The following DMXL1 variants were observed in gnomAD, a reference collection of about 807,000 sequenced individuals.
DMXL1 encodes Dmx like 1, also known as dmX-like protein 1.
Under a neutral mutation model 319.2 loss-of-function variants are expected in DMXL1, and 99 were observed. The observed-to-expected ratio is 0.31, with a 90% CI of 0.26 to 0.37. The LOEUF is 0.37. Among genes scored for constraint, DMXL1 ranks in the 10% least tolerant of loss-of-function variants. The pLI, the probability that DMXL1 is intolerant of heterozygous loss-of-function variation, is 1.00. For missense variants in DMXL1, 3,745 were observed against 3,595.6 expected, an observed-to-expected ratio of 1.04 and a Z score of -1.06; for synonymous variants, 1,385 against 1,235.2, an observed-to-expected ratio of 1.12 and a Z score of -2.54.
chr5:119,091,533 C>T (rs571616175), intron 1 of DMXL1, among the ~76,000 whole-genome samples: 1 of 152,130 alleles, frequency 6.6e-6, no homozygotes, highest in African/African-American at 2.4e-5. Context: ...GGATGCACAC[C>T]TATGTCTTTG....
intron 1 of DMXL1, among the ~76,000 whole-genome samples, chr5:119,072,339 A>G (rs1749793195): frequency 1.3e-5 from 2 of 152,048 alleles, no homozygotes; most frequent in African/African-American, 2.4e-5. Flanking sequence ...GTATAGTGGC[A>G]TTTTTCTACC....
intron 17 of DMXL1, 131 bp from the exon 18 acceptor site, chr5:119,148,607 TA>T (rs1757141844): frequency 4.7e-6 from 4 of 852,788 alleles, no homozygotes; most frequent in Non-Finnish European, 7.2e-6. Flanking sequence ...TTAAAAAACA[TA>T]CAGCCAAGAT....
chr5:119,098,705 C>G (rs1756546903), intron 2 of DMXL1, among the ~76,000 whole-genome samples: 1 of 152,112 alleles, frequency 6.6e-6, no homozygotes, highest in Admixed American at 6.5e-5. Flanking sequence ...AAATACAGTT[C>G]CTGTAGTACC....
chr5:119,144,420 T>C (rs1472022812), intron 14 of DMXL1, 116 bp from the exon 15 acceptor site: 3 of 765,090 alleles, frequency 3.9e-6, no homozygotes, highest in Non-Finnish European at 6.5e-6. Context: ...TCTGCTGAAC[T>C]TTTGACTTCT....
At chr5:119,116,449 G>C in intron 7 of DMXL1, 113 bp downstream of exon 7, 1 of 1,153,740 alleles carries the variant, frequency 8.7e-7, no homozygotes, top group Non-Finnish European at 1.2e-6. Context: ...AGCCTATGAA[G>C]ATTAGAGTAA....
intron 29 of DMXL1, among the ~76,000 whole-genome samples, chr5:119,192,467 T>C (rs1778866620): frequency 6.6e-6 from 1 of 152,202 alleles, no homozygotes; most frequent in Non-Finnish European, 1.5e-5. Flanking sequence ...CCCACTCACA[T>C]TCAGCTTTTC....
chr5:119,120,626 G>C (rs1276877824), intron 8 of DMXL1, among the ~76,000 whole-genome samples: 1 of 152,188 alleles, frequency 6.6e-6, no homozygotes, highest in Non-Finnish European at 1.5e-5. Flanking sequence ...AGTGTATGTA[G>C]AGATATCAGT....
At chr5:119,246,844 G>A (rs1178865884) in intron 43 of DMXL1, 151 bp from the exon 44 acceptor site, 2 of 537,534 alleles carry the variant, frequency 3.7e-6, no homozygotes, top group Non-Finnish European at 6.6e-6. Flanking sequence ...TGTTGGTCAG[G>A]CTGGTCTTGA....
intron 13 of DMXL1, among the ~76,000 whole-genome samples, chr5:119,135,598 C>G (rs988392241): frequency 6.6e-6 from 1 of 152,106 alleles, no homozygotes; most frequent in Non-Finnish European, 1.5e-5. Flanking sequence ...AGGGAGGGAC[C>G]TGGTGGGAGG....
At chr5:119,204,982 G>C (rs1002419667) in intron 33 of DMXL1, among the ~76,000 whole-genome samples, 6 of 152,132 alleles carry the variant, frequency 3.9e-5, no homozygotes, top group African/African-American at 1.4e-4. Flanking sequence ...AGTGGAAACT[G>C]TATATGCTGT....
In DMXL1 at chr5:119,129,270, G is replaced by A. The variant is rs567465902; in HGVS notation, c.1162G>A (p.Gly388Arg). 66 of 1,613,420 alleles carry A rather than the reference G, an allele frequency of 4.1e-5. No individual in the cohort carries two copies. The highest frequency in any genetic ancestry group is 9.3e-5 in the African/African-American group (7 of 74,926). Residue 388 changes from glycine (G) to arginine (R), a missense_variant, in exon 10 of 44, where the codon GGA becomes AGA. Physicochemically the swap from Gly to Arg is moderately radical, Grantham distance 125. This residue lies in a region of DMXL1 where 2,096 missense variants were observed against 1,985.4 expected (regional missense o/e 1.06). Transcript: ENST00000539542. ...LSLNENEEKT[G>R]PFVVHWLNNK... The stretch of plus-strand genomic sequence containing the variant: ...TCTAAATGAAAATGAAGAGAAGACC[G>A]GACCTTTTGTTGTACACTGGCTAAA...
chr5:119,170,205 C>A lies in DMXL1; in HGVS notation c.5414C>A (p.Ala1805Asp). The change falls in exon 24 of 44, where the codon GCC becomes GAC. Residue 1805 changes from alanine to aspartate, a missense_variant. Transcript: ENST00000539542. ...IRENDDQVLS[A>D]SNPTVFNFYN... ...TTACTTTCAGATCAAGTTTTATCAG[C>A]CAGTAATCCTACAGTTTTTAATTTC... The A allele has an allele frequency of 6.3e-7, 1 of 1,597,384 alleles. No homozygotes were observed.
At chr5:119,125,012 T>G (rs1341383964) in intron 9 of DMXL1, among the ~76,000 whole-genome samples, 2 of 152,270 alleles carry the variant, frequency 1.3e-5, no homozygotes, top group Non-Finnish European at 2.9e-5. Flanking sequence ...TATGGTTAAA[T>G]AAATTATACT....
chr5:119,112,483 C>G (rs59263253), intron 5 of DMXL1, among the ~76,000 whole-genome samples: 213 of 152,198 alleles, frequency 1.4e-3, no homozygotes, highest in Non-Finnish European at 2.7e-3. Context: ...GTGAAACTGA[C>G]TAGGTTTATA....
intron 34 of DMXL1, among the ~76,000 whole-genome samples, chr5:119,208,140 T>C (rs1782076045): frequency 6.6e-6 from 1 of 152,102 alleles, no homozygotes; most frequent in South Asian, 2.1e-4. Flanking sequence ...AATTCAAACT[T>C]TTAATCAGTT....
intron 24 of DMXL1, 86 bp downstream of exon 24, chr5:119,171,366 G>C: frequency 7.5e-7 from 1 of 1,341,374 alleles, no homozygotes; most frequent in Non-Finnish European, 1.0e-6. Context: ...ACTAAGACTT[G>C]ATTTTCTTTA....
chr5:119,156,254 T>C (rs1458123076), intron 19 of DMXL1, among the ~76,000 whole-genome samples: 1 of 152,216 alleles, frequency 6.6e-6, no homozygotes, highest in Non-Finnish European at 1.5e-5. Flanking sequence ...GCTCAGGTGA[T>C]TGTTATGTTT....
At chr5:119,094,255 G>A (rs1403162091) in intron 1 of DMXL1, among the ~76,000 whole-genome samples, 1 of 152,238 alleles carries the variant, frequency 6.6e-6, no homozygotes, top group Non-Finnish European at 1.5e-5. Context: ...GGCTAATGCA[G>A]TTGGTAACTT....
chr5:119,112,435 T>C (rs1759845547), intron 5 of DMXL1, among the ~76,000 whole-genome samples: 2 of 152,214 alleles, frequency 1.3e-5, no homozygotes, highest in African/African-American at 4.8e-5. Context: ...TAGGGGTAGA[T>C]AGAAAATAAA....
Sources: allele counts gnomAD v4.1 joint callset (sites outside exome capture counted in the v4.1 genomes callset), GRCh38; gene constraint gnomAD v4.1.1; regional missense constraint gnomAD v4.1.1; transcripts MANE v1.5; gene names NCBI Gene and HGNC (gene_info 2026-07-23, HGNC 2026-07-21).